The following PARD3B variants were observed in gnomAD, a reference collection of about 807,000 sequenced individuals.
PARD3B encodes partitioning defective 3 homolog B.
In PARD3B, 103 loss-of-function variants were observed where a neutral mutation model predicts 130.2. The observed-to-expected ratio is 0.79, with a 90% CI of 0.67 to 0.93. The LOEUF (loss-of-function observed/expected upper bound fraction) is 0.93. PARD3B is among the 40% of genes least tolerant of loss of function. PARD3B has a pLI of 0.00. For synonymous variants in PARD3B, 583 were observed against 553.2 expected, an observed-to-expected ratio of 1.05 and a Z score of -0.76; for missense variants, 1,609 against 1,499.2, an observed-to-expected ratio of 1.07 and a Z score of -1.21.
chr2:204,553,607 T>TATATGTATAA (rs2030646960), intron 1 of PARD3B, among the ~76,000 whole-genome samples: 1 of 139,742 alleles, frequency 7.2e-6, no homozygotes, highest in African/African-American at 2.7e-5. Context: ...TATATGTATA[T>TATATGTATAA]ATATGGCTAT....
chr2:205,290,380 TCAA>T (rs1221817355), intron 16 of PARD3B, among the ~76,000 whole-genome samples: 1 of 152,176 alleles, frequency 6.6e-6, no homozygotes, highest in East Asian at 1.9e-4. Flanking sequence ...GAATTTCAGC[TCAA>T]GGTTTGTCAG....
Position 204,966,736 on chromosome 2 carries a change from G to GA in PARD3B, c.394+1421dup, listed in dbSNP as rs367826072. ...TGAAACAACATAATATCGAATGCAA[G>GA]AAAAAAAAGTCAGCCGAGATTCCCC... On this transcript the variant is annotated intron_variant, in intron 3 of 22. Transcript: ENST00000406610. 5.0e-3 allele frequency among the ~76,000 whole-genome samples: 764 copies of GA among 151,778 alleles called. 6 individuals carry two copies. The highest frequency in any genetic ancestry group is 0.017 in the African/African-American group (720 of 41,384).
At position 204,606,434 on chromosome 2, in the gene PARD3B, G is replaced by T. The variant is rs1043327201; in HGVS notation, c.120+60315G>T. Among the ~76,000 whole-genome samples the T allele has an allele frequency of 1.3e-5, 2 of 152,066 alleles. No homozygotes were observed. Among genetic ancestry groups the T allele is most frequent in the Admixed American group, 6.6e-5 (1 of 15,250 alleles). On this transcript the variant is annotated intron_variant, in intron 1 of 22. Transcript: ENST00000406610. The surrounding 1 kb of genome is among the most constrained non-coding windows in gnomAD (Gnocchi z 4.0). The stretch of plus-strand genomic sequence containing the variant: ...CAGTCAGGGTCCCTGGCTGATGAAG[G>T]CTCCATCTTAAACATTTTTCCATGA...
chr2:204,589,230 A>G (rs1187143803), intron 1 of PARD3B, among the ~76,000 whole-genome samples: 1 of 152,204 alleles, frequency 6.6e-6, no homozygotes, highest in Non-Finnish European at 1.5e-5. Flanking sequence ...AACAACTACT[A>G]GAAAATGGTC....
At chr2:204,554,719 G>T (rs181450244) in intron 1 of PARD3B, among the ~76,000 whole-genome samples, 1 of 151,480 alleles carries the variant, frequency 6.6e-6, no homozygotes, top group East Asian at 2.0e-4. Flanking sequence ...TTATAATCAG[G>T]TCATGTCATT....
intron 2 of PARD3B, among the ~76,000 whole-genome samples, chr2:204,702,525 C>T (rs2037941354): frequency 6.6e-6 from 1 of 152,046 alleles, no homozygotes; most frequent in Non-Finnish European, 1.5e-5. Context: ...ATTTGTTGGC[C>T]ACTTGTATGC....
intron 21 of PARD3B, among the ~76,000 whole-genome samples, chr2:205,510,747 G>A (rs552996103): frequency 3.3e-5 from 5 of 152,234 alleles, no homozygotes; most frequent in African/African-American, 1.2e-4. Context: ...TAAAATAGGA[G>A]GGTGAGATAC....
intron 2 of PARD3B, among the ~76,000 whole-genome samples, chr2:204,819,262 T>C (rs190746013): frequency 1.0e-4 from 16 of 152,382 alleles, no homozygotes; most frequent in African/African-American, 2.4e-4. Context: ...TTGCTTCACA[T>C]GTCACTCTGT....
intron 19 of PARD3B, among the ~76,000 whole-genome samples, chr2:205,419,720 G>A (rs1340194254): frequency 6.6e-6 from 1 of 152,168 alleles, no homozygotes; most frequent in Non-Finnish European, 1.5e-5. Context: ...ACGGGGAAAG[G>A]GGAGAATCAG....
At chr2:205,238,880 ATGTGTG>A (rs1240191527) in intron 15 of PARD3B, among the ~76,000 whole-genome samples, 10 of 58,682 alleles carry the variant, frequency 1.7e-4, no homozygotes, top group Non-Finnish European at 2.7e-4. Flanking sequence ...ATATATATGT[ATGTGTG>A]TATATATATA....
rs1696645819 is a variant in PARD3B at position 205,021,976 on chromosome 2, A to G, written c.395-25605A>G. Among the ~76,000 whole-genome samples the G allele has an allele frequency of 6.6e-6, 1 of 152,194 alleles. No homozygotes were observed. The highest frequency in any genetic ancestry group is 2.1e-4 in the South Asian group (1 of 4,834). ...CAAAAAATCCAATGCAAAAACTCCA[A>G]AATATCAAAAGCTACCTTTTTCAAA... On this transcript the variant is annotated intron_variant, in intron 3 of 22. Transcript: ENST00000406610. This position sits in a 1 kb window ranked among gnomAD's most constrained non-coding sequence, Gnocchi z 4.5.
intron 21 of PARD3B, among the ~76,000 whole-genome samples, chr2:205,533,950 A>G (rs1261822735): frequency 6.6e-6 from 1 of 152,006 alleles, no homozygotes; most frequent in Non-Finnish European, 1.5e-5. Flanking sequence ...CACCTCTAAT[A>G]GAGTCTAGTA....
chr2:205,515,683 A>T (rs1254249827), intron 21 of PARD3B, among the ~76,000 whole-genome samples: 1 of 152,088 alleles, frequency 6.6e-6, no homozygotes, highest in African/African-American at 2.4e-5. Context: ...TTCCTTATAG[A>T]TGCTGGATAT....
Position 205,617,089 on chromosome 2 carries a change from G to A in PARD3B, c.*1276G>A, listed in dbSNP as rs552159582. 1 of 154,486 alleles carries A rather than the reference G, an allele frequency of 6.5e-6. No individual in the cohort carries two copies. The highest frequency in any genetic ancestry group is 1.5e-5 in the Non-Finnish European group (1 of 68,232). 9.6% of individuals were successfully genotyped at this position (154,486 alleles called of 1,614,324 possible). A position where few individuals can be genotyped will look rare whatever the true frequency, so the allele number is the denominator to read the frequency against. On this transcript the variant is annotated 3_prime_UTR_variant, in exon 23 of 23. Coordinates refer to ENST00000406610, the MANE Select transcript of PARD3B (RefSeq NM_001302769.2). Reference sequence around the variant, plus strand: ...ATTAGCTAAAGTCAGGTCAGGGCAGGGCCAAGGCCTCCAATTGGCAAAGGA... The same window carrying A: ...ATTAGCTAAAGTCAGGTCAGGGCAGAGCCAAGGCCTCCAATTGGCAAAGGA...
chr2:205,615,722 G>T lies in PARD3B; in HGVS notation c.3527G>T (p.Gly1176Val), dbSNP rs368069102. 1.9e-6 allele frequency: 3 copies of T among 1,613,960 alleles called. No homozygotes were observed. The African/African-American group carries it at 4.0e-5, about 22-fold the overall frequency. ...AGAATGCCAGCCTATCAGGAAACAG[G>T]CAGACCAGGGCCCCGTGGGGGCAGC... is the stretch of plus-strand genomic sequence containing the variant. Reference protein sequence around the residue: ...HQRMPAYQETGRPGPRGGSPD... With the variant: ...HQRMPAYQETVRPGPRGGSPD... The change falls in exon 23 of 23, where the codon GGC becomes GTC. Residue 1176 changes from glycine (G) to valine (V), a missense_variant. Transcript: ENST00000406610.
intron 10 of PARD3B, among the ~76,000 whole-genome samples, chr2:205,150,257 A>T (rs1199273583): frequency 1.3e-5 from 1 of 75,280 alleles, no homozygotes; most frequent in African/African-American, 4.8e-5. Flanking sequence ...GTGTGTGCAC[A>T]CACGCTTGAA....
In PARD3B at chr2:204,998,348, ATATATATATATGTG is replaced by A. The variant is rs1344615028; in HGVS notation, c.394+33027_394+33040del. 3.1e-3 allele frequency among the ~76,000 whole-genome samples: 243 copies of A among 78,388 alleles called. 11 individuals are homozygous for A. The highest frequency in any genetic ancestry group is 0.014 in the Admixed American group (82 of 5,704). 51.4% of individuals were successfully genotyped at this position (78,388 alleles called of 152,430 possible). A position where few individuals can be genotyped will look rare whatever the true frequency, so the allele number is the denominator to read the frequency against. On this transcript the variant is annotated intron_variant, in intron 3 of 22. Transcript: ENST00000406610. ...TATATATATATATATATATATATAT[ATATATATATATGTG>A]TGTGTGTGTGTGTATATATGTGTGT...
intron 2 of PARD3B, among the ~76,000 whole-genome samples, chr2:204,839,939 G>C (rs1233855645): frequency 6.6e-6 from 1 of 152,028 alleles, no homozygotes; most frequent in Admixed American, 6.6e-5. Context: ...ATATTTTAGT[G>C]CCACTTAAAA....
chr2:204,759,690 C>CT (rs2040820685), intron 2 of PARD3B, among the ~76,000 whole-genome samples: 1 of 152,048 alleles, frequency 6.6e-6, no homozygotes, highest in Admixed American at 6.6e-5. Flanking sequence ...GTCAAATAGT[C>CT]TGTTTCCTTG....
Sources: gnomAD v4.1 joint callset for allele counts (sites outside exome capture counted in the v4.1 genomes callset) on GRCh38, gnomAD v4.1.1 for gene constraint, Gnocchi (gnomAD v3.1) non-coding constraint, MANE v1.5 for transcripts, NCBI Gene and HGNC (gene_info 2026-07-23, HGNC 2026-07-21) for gene names.